The following RIMS2 variants were observed in gnomAD, a reference collection of about 807,000 sequenced individuals.
RIMS2 encodes the protein regulating synaptic membrane exocytosis 2, also known as regulating synaptic membrane exocytosis protein 2.
A neutral mutation model predicts 174.4 loss-of-function variants in RIMS2; 59 were observed. The observed-to-expected ratio is 0.34, with a 90% confidence interval of 0.27 to 0.42. The LOEUF is 0.42. RIMS2 is among the 10% of genes least tolerant of loss of function. RIMS2 has a pLI of 1.00. For missense variants in RIMS2, 1,620 were observed against 1,666.3 expected, an observed-to-expected ratio of 0.97 and a Z score of 0.48; for synonymous variants, 606 against 572.5, an observed-to-expected ratio of 1.06 and a Z score of -0.84.
intron 3 of RIMS2, among the ~76,000 whole-genome samples, chr8:103,860,269 C>T (rs892543627): frequency 1.3e-5 from 2 of 152,124 alleles, no homozygotes; most frequent in African/African-American, 4.8e-5. Context: ...GTACAACACA[C>T]TGGGCCCAAA....
chr8:103,584,030 A>G (rs1376642437), intron 1 of RIMS2, among the ~76,000 whole-genome samples: 1 of 152,186 alleles, frequency 6.6e-6, no homozygotes. Context: ...AAAGAAGACT[A>G]CCTCAAGGCA....
chr8:104,108,955 A>G (rs527790783), intron 19 of RIMS2, among the ~76,000 whole-genome samples: 65 of 152,286 alleles, frequency 4.3e-4, no homozygotes, highest in African/African-American at 1.5e-3. Flanking sequence ...ACTTGATGCC[A>G]TGAACACTGA....
intron 12 of RIMS2, among the ~76,000 whole-genome samples, chr8:103,936,040 T>C (rs958958073): frequency 2.6e-5 from 4 of 152,184 alleles, no homozygotes; most frequent in African/African-American, 9.7e-5. Flanking sequence ...TAAATATGAA[T>C]TTCTTATATT....
intron 2 of RIMS2, among the ~76,000 whole-genome samples, chr8:103,726,815 T>G (rs1287507277): frequency 1.3e-5 from 2 of 150,316 alleles, no homozygotes; most frequent in African/African-American, 2.4e-5. Flanking sequence ...TCACTGCAAC[T>G]TCTGTCTCCT....
intron 1 of RIMS2, chr8:103,568,600 C>G: frequency 1.8e-6 from 1 of 545,902 alleles, no homozygotes; most frequent in South Asian, 1.6e-5. Flanking sequence ...TCAGCTGTAA[C>G]TGTGATCAGT....
intron 19 of RIMS2, among the ~76,000 whole-genome samples, chr8:104,072,664 A>AAAAACTGT (rs1444512521): frequency 6.6e-6 from 1 of 151,908 alleles, no homozygotes; most frequent in Non-Finnish European, 1.5e-5. Context: ...GTTTTTTTTT[A>AAAAACTGT]AAAACTGTAC....
intron 1 of RIMS2, among the ~76,000 whole-genome samples, chr8:103,602,461 C>G: frequency 6.6e-6 from 1 of 151,636 alleles, no homozygotes; most frequent in East Asian, 1.9e-4. Flanking sequence ...TCCTCCCACT[C>G]TTCACCCTCA....
At chr8:103,883,958 A>G (rs938560363) in intron 3 of RIMS2, among the ~76,000 whole-genome samples, 1 of 151,870 alleles carries the variant, frequency 6.6e-6, no homozygotes, top group African/African-American at 2.4e-5. Context: ...GGCTAAGATC[A>G]TCAGCATTAA....
chr8:103,902,333 AAC>A (rs2073323664), intron 4 of RIMS2, among the ~76,000 whole-genome samples: 1 of 152,192 alleles, frequency 6.6e-6, no homozygotes, highest in Non-Finnish European at 1.5e-5. Flanking sequence ...TATGAAACTT[AAC>A]AGTGTCATGG....
intron 19 of RIMS2, among the ~76,000 whole-genome samples, chr8:104,175,249 A>C (rs1168391664): frequency 6.6e-6 from 1 of 151,802 alleles, no homozygotes; most frequent in East Asian, 1.9e-4. Context: ...TATTTCCTAC[A>C]CCTCAGGATC....
chr8:103,791,727 T>G (rs1419544559), intron 3 of RIMS2, among the ~76,000 whole-genome samples: 1 of 152,004 alleles, frequency 6.6e-6, no homozygotes, highest in African/African-American at 2.4e-5. Flanking sequence ...TGGAGGAAGA[T>G]CTACCAAGCA....
intron 19 of RIMS2, among the ~76,000 whole-genome samples, chr8:104,238,401 CA>C (rs1373186021): frequency 6.6e-6 from 1 of 151,330 alleles, no homozygotes; most frequent in East Asian, 1.9e-4. Flanking sequence ...AGCACCATAG[CA>C]CATGTATACC....
At chr8:103,579,956 GA>G (rs964936241) in intron 1 of RIMS2, among the ~76,000 whole-genome samples, 2 of 152,120 alleles carry the variant, frequency 1.3e-5, no homozygotes, top group African/African-American at 4.8e-5. Flanking sequence ...CAGATCTGGT[GA>G]GAACTCACTC....
At chr8:103,783,657 C>T (rs936190442) in intron 3 of RIMS2, among the ~76,000 whole-genome samples, 6 of 151,900 alleles carry the variant, frequency 3.9e-5, no homozygotes, top group African/African-American at 1.5e-4. Flanking sequence ...TTTCTTAATC[C>T]AGTCTATCAT....
intron 2 of RIMS2, among the ~76,000 whole-genome samples, chr8:103,755,871 A>G (rs2097991836): frequency 6.6e-6 from 1 of 152,088 alleles, no homozygotes; most frequent in South Asian, 2.1e-4. Context: ...GGGTTAGGAC[A>G]TGTTCCTTTA....
Position 104,014,564 on chromosome 8 carries a change from C to T in RIMS2, c.3283C>T (p.Arg1095Ter), listed in dbSNP as rs2095850849. 1.2e-6 allele frequency: 2 copies of T among 1,613,030 alleles called. No individual in the cohort carries two copies. The highest frequency in any genetic ancestry group is 1.7e-6 in the Non-Finnish European group (2 of 1,179,310). The change falls in exon 19 of 24, where the codon CGA becomes TGA. Residue 1095 changes from arginine to a stop codon, truncating the protein, a stop_gained. Coordinates refer to ENST00000504942, the Ensembl canonical transcript of RIMS2. LOFTEE classifies it high-confidence loss of function. ...CCCATCAAGTACTCCAGTCGCAGGA[C>T]GAAGGGGCCGACAGCTTCCACAGCT...
chr8:104,002,904 C>T (rs1469253265), intron 17 of RIMS2, among the ~76,000 whole-genome samples: 1 of 152,084 alleles, frequency 6.6e-6, no homozygotes. Flanking sequence ...GAAATCAAAG[C>T]ATGTCTTCTG....
intron 2 of RIMS2, among the ~76,000 whole-genome samples, chr8:103,698,647 T>G (rs2097134109): frequency 6.6e-6 from 1 of 152,126 alleles, no homozygotes; most frequent in African/African-American, 2.4e-5. Context: ...TTTGATCATT[T>G]TTTTGGGGGA....
At chr8:103,765,494 G>A (rs920528151) in intron 2 of RIMS2, among the ~76,000 whole-genome samples, 3 of 152,000 alleles carry the variant, frequency 2.0e-5, no homozygotes, top group Non-Finnish European at 4.4e-5. Context: ...AATTAAAAAT[G>A]GTTAAAATGG....
Sources: allele counts gnomAD v4.1 joint callset (sites outside exome capture counted in the v4.1 genomes callset), GRCh38; gene constraint gnomAD v4.1.1; transcripts MANE v1.5; gene names NCBI Gene and HGNC (gene_info 2026-07-23, HGNC 2026-07-21).